SDK1: variants seen among roughly 807,000 people sequenced by gnomAD.
SDK1 encodes sidekick cell adhesion molecule 1.
In SDK1, 157 loss-of-function variants were observed where a neutral mutation model predicts 245.5. The ratio of observed to expected loss-of-function variants is 0.64; its 90% CI spans 0.56 to 0.73. The LOEUF is 0.73. SDK1 is among the 30% of genes least tolerant of loss of function. SDK1 has a pLI of 0.00. For synonymous variants in SDK1, 1,647 were observed against 1,278.5 expected (o/e 1.29, Z -6.15); for missense variants, 3,583 against 3,002.3 (o/e 1.19, Z -4.52).
chr7:4,174,420 C>G, intron 33 of SDK1, 63 bp downstream of exon 33: 1 of 1,517,024 alleles, frequency 6.6e-7, no homozygotes, highest in Non-Finnish European at 9.1e-7. Flanking sequence ...TTGGTATCTG[C>G]TCAGTGCACA....
intron 5 of SDK1, among the ~76,000 whole-genome samples, chr7:3,905,393 T>C (rs762820831): frequency 2.0e-4 from 31 of 152,222 alleles, no homozygotes; most frequent in Non-Finnish European, 4.6e-4. Flanking sequence ...GGTTGATATT[T>C]CACTTTCTTT....
At chr7:4,124,631 A>T (rs1455482435) in intron 25 of SDK1, among the ~76,000 whole-genome samples, 1 of 152,218 alleles carries the variant, frequency 6.6e-6, no homozygotes, top group Non-Finnish European at 1.5e-5. Flanking sequence ...CAAAATAAGG[A>T]TTCAGGGGGC....
chr7:3,944,735 A>C (rs998429468), intron 5 of SDK1, among the ~76,000 whole-genome samples: 3 of 152,196 alleles, frequency 2.0e-5, no homozygotes, highest in South Asian at 2.1e-4. Flanking sequence ...CCCACTCAAA[A>C]GCAGTAAAAG....
chr7:3,689,922 C>G (rs1309396772), intron 4 of SDK1, among the ~76,000 whole-genome samples: 1 of 152,206 alleles, frequency 6.6e-6, no homozygotes, highest in African/African-American at 2.4e-5. Flanking sequence ...CTATTGCAAA[C>G]AAAAATATTT....
intron 1 of SDK1, among the ~76,000 whole-genome samples, chr7:3,494,613 C>A (rs1157565956): frequency 1.3e-5 from 2 of 152,162 alleles, no homozygotes; most frequent in Admixed American, 6.5e-5. Flanking sequence ...ATTTATTGTT[C>A]CTGTCTAACT....
intron 27 of SDK1, among the ~76,000 whole-genome samples, chr7:4,132,039 G>A (rs1382838042): frequency 6.6e-6 from 1 of 152,094 alleles, no homozygotes; most frequent in East Asian, 1.9e-4. Context: ...TGGTAGGCTG[G>A]TTACACTCAC....
In SDK1 at chr7:4,049,483, G is replaced by A; in HGVS notation, c.2718+20G>A. The A allele has an allele frequency of 6.4e-7, 1 of 1,568,400 alleles. No individual in the cohort carries two copies. The highest frequency in any genetic ancestry group is 8.8e-7 in the Non-Finnish European group (1 of 1,138,458). On this transcript the variant is annotated intron_variant, in intron 18 of 44. Coordinates refer to ENST00000404826, the MANE Select transcript of SDK1 (RefSeq NM_152744.4). Reference sequence around the variant, plus strand: ...TACAAGGTACGTGGCCTGGGTTCAGGGCCTGTGGGCAGCTGTCATTGTCTG... The same window carrying A: ...TACAAGGTACGTGGCCTGGGTTCAGAGCCTGTGGGCAGCTGTCATTGTCTG...
At chr7:3,998,041 C>T (rs1784809619) in intron 14 of SDK1, among the ~76,000 whole-genome samples, 1 of 152,242 alleles carries the variant, frequency 6.6e-6, no homozygotes, top group Admixed American at 6.5e-5. Flanking sequence ...CAGCTGTGCC[C>T]AAGAGGGCAG....
chr7:3,501,780 A>T (rs1440043142), intron 1 of SDK1, among the ~76,000 whole-genome samples: 2 of 152,098 alleles, frequency 1.3e-5, no homozygotes, highest in East Asian at 1.9e-4. Flanking sequence ...GTTATGATGG[A>T]CTATCAGTAT....
At chr7:4,115,674 C>A (rs1057315943) in intron 25 of SDK1, among the ~76,000 whole-genome samples, 2 of 152,164 alleles carry the variant, frequency 1.3e-5, no homozygotes. Context: ...ATGGCCAGGG[C>A]CTGCCCACAG....
intron 38 of SDK1, among the ~76,000 whole-genome samples, chr7:4,217,175 C>G (rs1784854819): frequency 1.5e-5 from 2 of 133,146 alleles, no homozygotes; most frequent in Admixed American, 1.5e-4. Context: ...GAGCACCACA[C>G]CCCCCGGAGC....
chr7:4,261,001 T>C (rs959023245), intron 44 of SDK1, among the ~76,000 whole-genome samples: 1 of 152,198 alleles, frequency 6.6e-6, no homozygotes, highest in African/African-American at 2.4e-5. Flanking sequence ...CCAAACAGTT[T>C]ATACTTAATG....
chr7:3,477,459 T>G (rs999706632), intron 1 of SDK1, among the ~76,000 whole-genome samples: 1 of 151,718 alleles, frequency 6.6e-6, no homozygotes, highest in African/African-American at 2.4e-5. Flanking sequence ...CCCAAAGTGT[T>G]GGGATTACAC....
chr7:4,136,280 C>A (rs529875470), intron 28 of SDK1, among the ~76,000 whole-genome samples: 4 of 152,130 alleles, frequency 2.6e-5, no homozygotes, highest in Admixed American at 2.6e-4. Flanking sequence ...CACCACACGG[C>A]GGAGGCTGCA....
chr7:4,011,188 G>A (rs952002287), intron 15 of SDK1, 75 bp downstream of exon 15: 4 of 1,540,974 alleles, frequency 2.6e-6, no homozygotes, highest in African/African-American at 2.7e-5. Context: ...ATCACATTAT[G>A]TGGTGGAATT....
At chr7:3,409,676 G>C (rs1446549836) in intron 1 of SDK1, among the ~76,000 whole-genome samples, 3 of 152,166 alleles carry the variant, frequency 2.0e-5, no homozygotes, top group Non-Finnish European at 4.4e-5. Context: ...CAGAAGAGAA[G>C]AGCGTTGGGG....
chr7:4,015,121 G>C (rs7810186), intron 16 of SDK1, among the ~76,000 whole-genome samples: 15,624 of 152,094 alleles, frequency 0.1, 865 homozygotes, highest in South Asian at 0.15. Flanking sequence ...TTTACATTCA[G>C]TGTCTCCTTT....
chr7:3,691,271 A>G (rs1459097800), intron 4 of SDK1, among the ~76,000 whole-genome samples: 2 of 152,222 alleles, frequency 1.3e-5, no homozygotes, highest in Admixed American at 6.5e-5. Flanking sequence ...CCACAGAGTA[A>G]AAAATGCCAT....
chr7:4,244,332 G>C (rs1191235588), intron 43 of SDK1, among the ~76,000 whole-genome samples: 2 of 152,188 alleles, frequency 1.3e-5, no homozygotes, highest in African/African-American at 4.8e-5. Flanking sequence ...CCTGGACATG[G>C]TCCCTTTGAG....
Sources: allele counts gnomAD v4.1 joint callset (sites outside exome capture counted in the v4.1 genomes callset), GRCh38; gene constraint gnomAD v4.1.1; transcripts MANE v1.5; gene names NCBI Gene and HGNC (gene_info 2026-07-23, HGNC 2026-07-21).